HCN1: variants seen among roughly 807,000 people sequenced by gnomAD.
HCN1 encodes potassium/sodium hyperpolarization-activated cyclic nucleotide-gated channel 1.
Under a neutral mutation model 78.9 loss-of-function variants are expected in HCN1, and 13 were observed. That is an observed-to-expected ratio of 0.16 (90% CI 0.11 to 0.26). The LOEUF (loss-of-function observed/expected upper bound fraction) is 0.26. Ranked by LOEUF, HCN1 falls within the 10% of genes least tolerant of loss-of-function variation. The probability of loss-of-function intolerance (pLI) is 1.00; values close to 1 mark genes in which losing one functional copy is unlikely to be tolerated. For synonymous variants in HCN1, 552 were observed against 455.5 expected, an observed-to-expected ratio of 1.21 and a Z score of -2.70; for missense variants, 810 against 1,154.3, an observed-to-expected ratio of 0.70 and a Z score of 4.32.
chr5:45,483,257 C>A (rs567676050), intron 2 of HCN1, among the ~76,000 whole-genome samples: 38 of 152,104 alleles, frequency 2.5e-4, no homozygotes, highest in Non-Finnish European at 4.6e-4. Context: ...TTTTCCATAG[C>A]TTTGCCAGCA....
intron 3 of HCN1, among the ~76,000 whole-genome samples, chr5:45,448,866 C>CA (rs779291145): frequency 6.6e-6 from 1 of 152,116 alleles, no homozygotes; most frequent in African/African-American, 2.4e-5. Context: ...GTAATCCCAG[C>CA]ACTTTGAGAG....
intron 2 of HCN1, among the ~76,000 whole-genome samples, chr5:45,636,876 T>G (rs923993846): frequency 6.6e-6 from 1 of 152,134 alleles, no homozygotes; most frequent in Non-Finnish European, 1.5e-5. Context: ...TATTTATAAT[T>G]CTTTCAATAT....
intron 3 of HCN1, among the ~76,000 whole-genome samples, chr5:45,423,672 T>A (rs1449747937): frequency 6.6e-6 from 1 of 152,212 alleles, no homozygotes; most frequent in Non-Finnish European, 1.5e-5. Flanking sequence ...AAAAGCTTAT[T>A]TGTTAGCCAA....
Position 45,343,571 on chromosome 5 carries a change from C to T in HCN1, c.1377+9529G>A, listed in dbSNP as rs574930035. Among the ~76,000 whole-genome samples the T allele has an allele frequency of 2.6e-5, 4 of 152,122 alleles. No homozygotes were observed. In the South Asian group the frequency reaches 8.3e-4, roughly 32 times the overall value. ...AAAATAGGGCTAAAGTTTTACATTCCAAATAACTTGTGAGAATGACTAAAG... is the reference window on the plus strand; with the variant it reads ...AAAATAGGGCTAAAGTTTTACATTCTAAATAACTTGTGAGAATGACTAAAG... On this transcript the variant is annotated intron_variant, in intron 5 of 7. Transcript: ENST00000303230.
chr5:45,463,996 G>A (rs1237433661), intron 2 of HCN1, among the ~76,000 whole-genome samples: 1 of 152,026 alleles, frequency 6.6e-6, no homozygotes, highest in African/African-American at 2.4e-5. Context: ...ACAGGCAGTG[G>A]CCATCATTCA....
At chr5:45,529,749 A>G (rs1231442662) in intron 2 of HCN1, among the ~76,000 whole-genome samples, 1 of 152,118 alleles carries the variant, frequency 6.6e-6, no homozygotes, top group Non-Finnish European at 1.5e-5. Context: ...ACAGCTGTCA[A>G]TCACTTTTGA....
intron 2 of HCN1, among the ~76,000 whole-genome samples, chr5:45,639,614 C>T (rs955912686): frequency 6.6e-6 from 1 of 152,172 alleles, no homozygotes; most frequent in Non-Finnish European, 1.5e-5. Context: ...TTGTAAAACA[C>T]TGCAAATAGA....
intron 2 of HCN1, among the ~76,000 whole-genome samples, chr5:45,578,209 T>C (rs1475429054): frequency 6.6e-6 from 1 of 152,010 alleles, no homozygotes; most frequent in Non-Finnish European, 1.5e-5. Flanking sequence ...TGGGGTCTAA[T>C]GGAAGGCCAA....
intron 7 of HCN1, 77 bp from the exon 8 acceptor site, chr5:45,262,887 C>T: frequency 2.7e-6 from 4 of 1,482,806 alleles, no homozygotes; most frequent in Non-Finnish European, 3.7e-6. Flanking sequence ...GTGGCTCCTG[C>T]AAACAGAAGT....
intron 2 of HCN1, among the ~76,000 whole-genome samples, chr5:45,505,022 T>A (rs962615106): frequency 6.6e-6 from 1 of 152,182 alleles, no homozygotes. Context: ...ATGAGTAGAT[T>A]GCAAAAATTT....
chr5:45,657,496 G>A (rs1456534834), intron 1 of HCN1, among the ~76,000 whole-genome samples: 1 of 151,930 alleles, frequency 6.6e-6, no homozygotes, highest in African/African-American at 2.4e-5. Flanking sequence ...TTTTATGTAG[G>A]CCAGTAACTT....
chr5:45,478,765 G>A (rs1741579647), intron 2 of HCN1, among the ~76,000 whole-genome samples: 1 of 151,132 alleles, frequency 6.6e-6, no homozygotes. Flanking sequence ...GCAGCAATAC[G>A]AAAACCTTAC....
intron 3 of HCN1, among the ~76,000 whole-genome samples, chr5:45,409,881 T>C (rs941420244): frequency 6.6e-6 from 1 of 151,616 alleles, no homozygotes; most frequent in African/African-American, 2.4e-5. Context: ...ATTACCCAAC[T>C]TTATTCAAAT....
At position 45,352,268 on chromosome 5, in the gene HCN1, C is replaced by T. The variant is rs191256197; in HGVS notation, c.1377+832G>A. Among the ~76,000 whole-genome samples the T allele has an allele frequency of 6.6e-4, 100 of 151,544 alleles. 1 individual carries two copies. In the East Asian group the frequency reaches 0.011, roughly 17 times the overall value. On this transcript the variant is annotated intron_variant, in intron 5 of 7. Coordinates refer to ENST00000303230, the MANE Select transcript of HCN1 (RefSeq NM_021072.4). ...GAAATCATCATTCTCAGTAAACTAT[C>T]GGAAGGACAAAAAATCGAACACCGC...
intron 2 of HCN1, among the ~76,000 whole-genome samples, chr5:45,491,344 A>G (rs1458395672): frequency 6.6e-6 from 1 of 152,122 alleles, no homozygotes; most frequent in African/African-American, 2.4e-5. Context: ...TGTTTCTACA[A>G]TTGGTGTCCA....
At chr5:45,548,447 C>T (rs984648619) in intron 2 of HCN1, among the ~76,000 whole-genome samples, 1 of 151,928 alleles carries the variant, frequency 6.6e-6, no homozygotes, top group Non-Finnish European at 1.5e-5. Flanking sequence ...ATCAACAGCC[C>T]TTCATGCTAA....
At chr5:45,378,729 C>T (rs1257657643) in intron 4 of HCN1, among the ~76,000 whole-genome samples, 1 of 152,050 alleles carries the variant, frequency 6.6e-6, no homozygotes, top group Non-Finnish European at 1.5e-5. Flanking sequence ...CCCATTAACT[C>T]GTCATTTACA....
chr5:45,604,866 C>T (rs1744695372), intron 2 of HCN1, among the ~76,000 whole-genome samples: 1 of 151,962 alleles, frequency 6.6e-6, no homozygotes, highest in African/African-American at 2.4e-5. Flanking sequence ...TACCCAAAGA[C>T]CGCATCTAAA....
intron 2 of HCN1, among the ~76,000 whole-genome samples, chr5:45,569,981 C>G (rs187561983): frequency 1.3e-5 from 2 of 152,174 alleles, no homozygotes; most frequent in African/African-American, 4.8e-5. Flanking sequence ...ATCTTCCAGA[C>G]AGATTTGACT....
Sources: allele counts gnomAD v4.1 joint callset (sites outside exome capture counted in the v4.1 genomes callset), GRCh38; gene constraint gnomAD v4.1.1; transcripts MANE v1.5; gene names NCBI Gene and HGNC (gene_info 2026-07-23, HGNC 2026-07-21).